The following DMGDH variants were observed in gnomAD, a reference collection of about 807,000 sequenced individuals.
DMGDH encodes the protein dimethylglycine dehydrogenase, mitochondrial.
In DMGDH, 76 loss-of-function variants were observed where a neutral mutation model predicts 95.2. That is an observed-to-expected ratio of 0.80 (90% CI 0.66 to 0.97). The LOEUF (loss-of-function observed/expected upper bound fraction) is 0.97. Among genes scored for constraint, DMGDH ranks in the 50% least tolerant of loss-of-function variants. The pLI, the probability that DMGDH is intolerant of heterozygous loss-of-function variation, is 0.00. For missense variants in DMGDH, 987 were observed against 1,055.0 expected, an observed-to-expected ratio of 0.94 and a Z score of 0.89; for synonymous variants, 345 against 377.6, an observed-to-expected ratio of 0.91 and a Z score of 1.00.
intron 5 of DMGDH, among the ~76,000 whole-genome samples, chr5:79,047,707 C>G (rs1754723074): frequency 6.6e-6 from 1 of 152,144 alleles, no homozygotes; most frequent in African/African-American, 2.4e-5. Flanking sequence ...TCGGAAGCAT[C>G]AGAAACTTCC....
intron 5 of DMGDH, among the ~76,000 whole-genome samples, chr5:79,049,429 A>G (rs1387990326): frequency 6.6e-6 from 1 of 152,222 alleles, no homozygotes; most frequent in African/African-American, 2.4e-5. Flanking sequence ...GTTGAGAAAA[A>G]TGGTGGGGCT....
intron 5 of DMGDH, among the ~76,000 whole-genome samples, chr5:79,050,934 C>T (rs1162926431): frequency 6.6e-6 from 1 of 152,010 alleles, no homozygotes; most frequent in Non-Finnish European, 1.5e-5. Flanking sequence ...AAATTGGACA[C>T]AAAGAGGATG....
At chr5:79,002,517 G>C (rs952419717) in intron 15 of DMGDH, among the ~76,000 whole-genome samples, 1 of 152,100 alleles carries the variant, frequency 6.6e-6, no homozygotes, top group Non-Finnish European at 1.5e-5. Flanking sequence ...TCCATTGTCT[G>C]TCTCTCCCTC....
intron 7 of DMGDH, among the ~76,000 whole-genome samples, chr5:79,036,914 C>T (rs1225277437): frequency 6.6e-6 from 1 of 151,920 alleles, no homozygotes. Flanking sequence ...ACTCTAAATA[C>T]TTTGGGAAGT....
At chr5:79,008,955 G>A (rs1389306484) in intron 14 of DMGDH, among the ~76,000 whole-genome samples, 1 of 152,096 alleles carries the variant, frequency 6.6e-6, no homozygotes, top group Non-Finnish European at 1.5e-5. Context: ...ACTAAACTGA[G>A]GCTCAGTTAC....
intron 15 of DMGDH, among the ~76,000 whole-genome samples, chr5:79,002,390 T>C (rs866885421): frequency 2.0e-4 from 31 of 152,206 alleles, no homozygotes; most frequent in Admixed American, 1.8e-3. Flanking sequence ...TCAAAAAAAT[T>C]AAACCTCATT....
chr5:78,998,213 C>G lies in DMGDH; in HGVS notation c.2470G>C (p.Glu824Gln). Residue 824 changes from glutamate to glutamine, a missense_variant, in exon 16 of 16, where the codon GAA (glutamate) becomes CAA (glutamine). Transcript: ENST00000255189. ...AFAYVPVQLS[E>Q]VGQQVEVELL... is the part of the protein sequence containing the mutation. ...TCAACTTCCACTTGCTGTCCCACTT[C>G]ACTTAGTTGTACAGGGACATATGCG... 1 of 1,614,204 alleles carries G rather than the reference C, an allele frequency of 6.2e-7. No individual in the cohort carries two copies. The highest frequency in any genetic ancestry group is 1.1e-5 in the South Asian group (1 of 91,078).
intron 14 of DMGDH, among the ~76,000 whole-genome samples, chr5:79,011,414 A>G (rs1753645183): frequency 1.3e-5 from 2 of 152,234 alleles, no homozygotes; most frequent in African/African-American, 4.8e-5. Flanking sequence ...AACATTCCAC[A>G]TAAGTTAACA....
intron 15 of DMGDH, among the ~76,000 whole-genome samples, chr5:79,004,746 T>G (rs78043425): frequency 3.5e-3 from 532 of 152,308 alleles, no homozygotes; most frequent in African/African-American, 0.012. Flanking sequence ...AAAAGTAACA[T>G]TCCAAAATGA....
At chr5:79,017,753 G>A (rs1039126910) in intron 14 of DMGDH, among the ~76,000 whole-genome samples, 3 of 152,292 alleles carry the variant, frequency 2.0e-5, no homozygotes, top group Non-Finnish European at 4.4e-5. Context: ...TGAACTGCAC[G>A]GATCCACTTA....
At chr5:78,999,750 T>A (rs1407470171) in intron 15 of DMGDH, among the ~76,000 whole-genome samples, 2 of 152,240 alleles carry the variant, frequency 1.3e-5, no homozygotes, top group Non-Finnish European at 2.9e-5. Context: ...TATCTCTGGC[T>A]GATTAATAAC....
At chr5:79,063,962 G>C (rs1161410777) in intron 1 of DMGDH, among the ~76,000 whole-genome samples, 175 bp from the exon 2 acceptor site, 1 of 152,128 alleles carries the variant, frequency 6.6e-6, no homozygotes, top group Non-Finnish European at 1.5e-5. Context: ...AACCTGGTTG[G>C]GGGAGGGGTG....
Position 79,039,422 on chromosome 5 carries a change from T to C in DMGDH, c.1193+2861A>G, listed in dbSNP as rs576874683. Among the ~76,000 whole-genome samples, 323 of 151,886 alleles carry C rather than the reference T, an allele frequency of 2.1e-3. 1 individual carries two copies. The highest frequency in any genetic ancestry group is 6.9e-3 in the African/African-American group (285 of 41,296). Reference sequence around the variant, plus strand: ...GTCCTTTGTAGGGACATGGATGAAATTGGAAATCATCATTCTCAGTAAACT... The same window carrying C: ...GTCCTTTGTAGGGACATGGATGAAACTGGAAATCATCATTCTCAGTAAACT... On this transcript the variant is annotated intron_variant, in intron 7 of 15. Coordinates refer to ENST00000255189, the MANE Select transcript of DMGDH (RefSeq NM_013391.3).
chr5:79,027,414 T>A (rs1754032809), intron 12 of DMGDH, among the ~76,000 whole-genome samples: 1 of 152,132 alleles, frequency 6.6e-6, no homozygotes, highest in Admixed American at 6.5e-5. Flanking sequence ...AGAGCTATGG[T>A]CTTTAATCTC....
At chr5:79,069,476 C>G (rs1456470771) in intron 1 of DMGDH, 44 bp downstream of exon 1, 15 of 1,202,638 alleles carry the variant, frequency 1.2e-5, no homozygotes, top group South Asian at 3.9e-5. Flanking sequence ...CTCCCACCCC[C>G]GCAGCCGCCC....
chr5:79,046,364 G>A (rs766303122), intron 5 of DMGDH, among the ~76,000 whole-genome samples: 5 of 151,526 alleles, frequency 3.3e-5, no homozygotes, highest in Non-Finnish European at 5.9e-5. Flanking sequence ...GATCATAGGT[G>A]TGAGCCACAA....
At chr5:79,019,477 T>C (rs1159987366) in intron 14 of DMGDH, among the ~76,000 whole-genome samples, 2 of 151,510 alleles carry the variant, frequency 1.3e-5, no homozygotes, top group Admixed American at 1.3e-4. Context: ...AAAAATCACC[T>C]GTGGAGCTTT....
At chr5:79,021,026 C>G in intron 14 of DMGDH, 8 of 985,444 alleles carry the variant, frequency 8.1e-6, no homozygotes, top group Non-Finnish European at 9.6e-6. Flanking sequence ...ATTTTCCTCC[C>G]AAAAGTTACT....
intron 7 of DMGDH, among the ~76,000 whole-genome samples, chr5:79,036,905 C>G (rs1311415479): frequency 6.6e-6 from 1 of 152,030 alleles, no homozygotes; most frequent in Non-Finnish European, 1.5e-5. Flanking sequence ...AGAGATGGTA[C>G]TCTAAATACT....
Sources: allele counts gnomAD v4.1 joint callset (sites outside exome capture counted in the v4.1 genomes callset), GRCh38; gene constraint gnomAD v4.1.1; transcripts MANE v1.5; gene names NCBI Gene and HGNC (gene_info 2026-07-23, HGNC 2026-07-21).